Variants in SCUBE1 observed in about 807,000 individuals in gnomAD.
SCUBE1 encodes signal peptide, CUB domain and EGF like domain containing 1.
In SCUBE1, 59 loss-of-function variants were observed where a neutral mutation model predicts 124.4. The ratio of observed to expected loss-of-function variants is 0.47; its 90% confidence interval spans 0.38 to 0.59. SCUBE1 has a LOEUF of 0.59. Among genes scored for constraint, SCUBE1 ranks in the 20% least tolerant of loss-of-function variants. The pLI is 0.00. For missense variants in SCUBE1, 1,150 were observed against 1,371.2 expected, an observed-to-expected ratio of 0.84 and a Z score of 2.55; for synonymous variants, 545 against 550.9, an observed-to-expected ratio of 0.99 and a Z score of 0.15.
chr22:43,216,212 A>G (rs890365031), intron 15 of SCUBE1, among the ~76,000 whole-genome samples: 5 of 151,394 alleles, frequency 3.3e-5, no homozygotes, highest in Non-Finnish European at 1.5e-5. Flanking sequence ...ACACCCAGCT[A>G]ATTTTTGTAT....
chr22:43,240,043 C>A (rs1922941512), intron 6 of SCUBE1, among the ~76,000 whole-genome samples: 1 of 152,110 alleles, frequency 6.6e-6, no homozygotes, highest in Admixed American at 6.5e-5. Context: ...ATGCATGGTG[C>A]CTTTCCTTTG....
At position 43,222,692 on chromosome 22, in the gene SCUBE1, T is replaced by G; in HGVS notation, c.1378A>C (p.Lys460Gln). ...GTGCCGTTGCGTTTCTGCAGCGCCTTGCCCTGCGGCCCTGGAACTCCGCAG... is the reference window on the plus strand; with the variant it reads ...GTGCCGTTGCGTTTCTGCAGCGCCTGGCCCTGCGGCCCTGGAACTCCGCAG... ...LSCGVPGPQG[K>Q]ALQKRNGTSS... Residue 460 changes from lysine (K) to glutamine (Q), a missense_variant, in exon 12 of 22, where the codon AAG (lysine) becomes CAG (glutamine). Physicochemically the swap from Lys to Gln is moderately conservative, Grantham distance 53. Coordinates refer to ENST00000360835, the MANE Select transcript of SCUBE1 (RefSeq NM_173050.5). The G allele has an allele frequency of 6.2e-7, 1 of 1,607,006 alleles. No homozygotes were observed. The highest frequency in any genetic ancestry group is 8.5e-7 in the Non-Finnish European group (1 of 1,177,200).
Position 43,198,519 on chromosome 22 carries a change from C to T in SCUBE1, c.*5478G>A. 1 of 456,186 alleles carries T rather than the reference C, an allele frequency of 2.2e-6. No homozygotes were observed. The highest frequency in any genetic ancestry group is 4.4e-6 in the Non-Finnish European group (1 of 226,628). 28.3% of individuals were successfully genotyped at this position (456,186 alleles called of 1,614,324 possible). A position where few individuals can be genotyped will look rare whatever the true frequency, so the allele number is the denominator to read the frequency against. On this transcript the variant is annotated 3_prime_UTR_variant, in exon 22 of 22. Coordinates refer to ENST00000360835, the MANE Select transcript of SCUBE1 (RefSeq NM_173050.5). ...GTGGGTGCTGTGGGGGCAGAGGCAGCCGCGGTAGAATAGGAGGCGCTCTCT... is the reference window on the plus strand; with the variant it reads ...GTGGGTGCTGTGGGGGCAGAGGCAGTCGCGGTAGAATAGGAGGCGCTCTCT...
chr22:43,262,888 G>A, intron 4 of SCUBE1, 43 bp from the exon 5 acceptor site: 1 of 1,586,028 alleles, frequency 6.3e-7, no homozygotes, highest in Non-Finnish European at 8.6e-7. Context: ...AGACCAGGCA[G>A]AGAGGGAGAG....
chr22:43,262,636 A>T, intron 5 of SCUBE1, 84 bp downstream of exon 5: 1 of 1,545,516 alleles, frequency 6.5e-7, no homozygotes, highest in Non-Finnish European at 8.9e-7. Flanking sequence ...CCCTGGCCAA[A>T]GTCCAGCAGA....
In SCUBE1 at chr22:43,202,394, C is replaced by T. The variant is rs1921041547; in HGVS notation, c.*1603G>A. ...AGACTGGAGTTCATTTTCAGATTCT[C>T]CCAGGTTCCTTGGGATTTTCAGTAT... On this transcript the variant is annotated 3_prime_UTR_variant, in exon 22 of 22. Coordinates refer to ENST00000360835, the MANE Select transcript of SCUBE1 (RefSeq NM_173050.5). The T allele has an allele frequency of 6.6e-6, 1 of 152,204 alleles. No homozygotes were observed. Among genetic ancestry groups the T allele is most frequent in the Non-Finnish European group, 1.5e-5 (1 of 68,046 alleles). The allele number at this position is 152,204 out of a possible 1,614,324, so 9.4% of individuals were successfully genotyped here.
rs1377512627 is a variant in SCUBE1 at position 43,201,332 on chromosome 22, A to G, written c.*2665T>C. 6.8e-6 allele frequency: 1 copy of G among 147,396 alleles called. No individual in the cohort carries two copies. The highest frequency in any genetic ancestry group is 1.5e-5 in the Non-Finnish European group (1 of 67,020). The allele number at this position is 147,396 out of a possible 1,614,324, so 9.1% of individuals were successfully genotyped here. ...AAAAAAAAAAAAAAAAAAAAAGAAAACAAAAAAAGAAAACAAAAAACAAAA... is the reference window on the plus strand; with the variant it reads ...AAAAAAAAAAAAAAAAAAAAAGAAAGCAAAAAAAGAAAACAAAAAACAAAA... On this transcript the variant is annotated 3_prime_UTR_variant, in exon 22 of 22. Coordinates refer to ENST00000360835, the MANE Select transcript of SCUBE1 (RefSeq NM_173050.5).
Position 43,211,116 on chromosome 22 carries a change from T to C in SCUBE1, c.2222-33A>G. On this transcript the variant is annotated intron_variant, in intron 17 of 21. Transcript: ENST00000360835. The surrounding 1 kb of genome is among the most constrained non-coding windows in gnomAD (Gnocchi z 4.5). ...GGGACACAAGGCAGTGTGGTGGGTG[T>C]GGAGGGGTGCAGGGAAAGGGCAGCA... 2 of 1,584,100 alleles carry C rather than the reference T, an allele frequency of 1.3e-6. No homozygotes were observed. The highest frequency in any genetic ancestry group is 1.7e-6 in the Non-Finnish European group (2 of 1,164,190).
At chr22:43,303,287 C>T (rs577801432) in intron 3 of SCUBE1, among the ~76,000 whole-genome samples, 5 of 152,350 alleles carry the variant, frequency 3.3e-5, no homozygotes, top group East Asian at 1.9e-4. Context: ...TATCCTTGAG[C>T]GTGAGCGTCC....
chr22:43,341,251 G>A (rs970984921), intron 1 of SCUBE1, among the ~76,000 whole-genome samples: 3 of 152,198 alleles, frequency 2.0e-5, no homozygotes, highest in Non-Finnish European at 2.9e-5. Context: ...GGGCCCAGCC[G>A]GCAACTGGAT....
chr22:43,207,651 G>A, intron 20 of SCUBE1, 38 bp from the exon 21 acceptor site: 1 of 1,521,414 alleles, frequency 6.6e-7, no homozygotes, highest in Non-Finnish European at 9.1e-7. Context: ...GAAGGCGAGG[G>A]GCTTGAGGCC....
chr22:43,295,532 CT>C (rs939840327), intron 3 of SCUBE1, among the ~76,000 whole-genome samples: 4 of 152,240 alleles, frequency 2.6e-5, no homozygotes, highest in Non-Finnish European at 4.4e-5. Context: ...GGGCAGAGTG[CT>C]GTCCTTATTC....
At chr22:43,281,661 C>G (rs1423320759) in intron 4 of SCUBE1, among the ~76,000 whole-genome samples, 1 of 152,184 alleles carries the variant, frequency 6.6e-6, no homozygotes, top group African/African-American at 2.4e-5. Flanking sequence ...TCGTCTCCCC[C>G]TCAGCCATCC....
chr22:43,235,217 A>G (rs1232856625), intron 7 of SCUBE1, among the ~76,000 whole-genome samples: 3 of 152,164 alleles, frequency 2.0e-5, no homozygotes, highest in African/African-American at 7.2e-5. Flanking sequence ...GTCTTGGGCC[A>G]CTGAGTGGAC....
intron 2 of SCUBE1, among the ~76,000 whole-genome samples, chr22:43,326,434 T>A (rs1926730587): frequency 6.6e-6 from 1 of 152,068 alleles, no homozygotes; most frequent in Non-Finnish European, 1.5e-5. Flanking sequence ...GGAAGGTAGT[T>A]TCTTGGGCTG....
At chr22:43,308,004 C>T (rs1400020964) in intron 3 of SCUBE1, among the ~76,000 whole-genome samples, 1 of 152,062 alleles carries the variant, frequency 6.6e-6, no homozygotes, top group Non-Finnish European at 1.5e-5. Context: ...AGTCCCCCCA[C>T]CCAATCCCAA....
chr22:43,310,215 C>T (rs577194362), intron 3 of SCUBE1, among the ~76,000 whole-genome samples: 2 of 152,166 alleles, frequency 1.3e-5, no homozygotes, highest in South Asian at 4.1e-4. Flanking sequence ...CAGTTCCTAC[C>T]ACACTTGTCC....
At chr22:43,261,156 G>A (rs1923857263) in intron 5 of SCUBE1, among the ~76,000 whole-genome samples, 1 of 152,248 alleles carries the variant, frequency 6.6e-6, no homozygotes, top group Admixed American at 6.5e-5. Flanking sequence ...CACAACACGG[G>A]GGACTGGGAA....
Position 43,291,104 on chromosome 22 carries a change from C to T in SCUBE1, c.426G>A (p.Gln142=), listed in dbSNP as rs752067453. 1.2e-6 allele frequency: 2 copies of T among 1,613,874 alleles called. No homozygotes were observed. The highest frequency in any genetic ancestry group is 1.1e-5 in the South Asian group (1 of 91,024). Residue 142 remains glutamine (Q), a synonymous_variant, in exon 4 of 22, where the codon CAG becomes CAA. Transcript: ENST00000360835. ...CVNAMGSYEC[Q]CHSGFFLSDN... is the part of the protein sequence containing the mutation. ...CACTAAGGAAGAAGCCACTGTGGCA[C>T]TGACACTCGTAGCTGCCCATGGCAT...
Sources: allele counts gnomAD v4.1 joint callset (sites outside exome capture counted in the v4.1 genomes callset), GRCh38; gene constraint gnomAD v4.1.1; non-coding constraint Gnocchi (gnomAD v3.1); transcripts MANE v1.5; gene names NCBI Gene and HGNC (gene_info 2026-07-23, HGNC 2026-07-21).